Variants in OTOGL observed in about 807,000 individuals in gnomAD.
OTOGL encodes the protein otogelin like.
In OTOGL, 285 loss-of-function variants were observed where a neutral mutation model predicts 318.5. The observed-to-expected ratio is 0.89, with a 90% CI of 0.81 to 0.99. The LOEUF (loss-of-function observed/expected upper bound fraction) is 0.99. Ranked by LOEUF, OTOGL falls within the 50% of genes least tolerant of loss-of-function variation. The pLI is 0.00. For missense variants in OTOGL, 2,899 were observed against 2,845.6 expected, an observed-to-expected ratio of 1.02 and a Z score of -0.43; for synonymous variants, 987 against 936.5, an observed-to-expected ratio of 1.05 and a Z score of -0.99.
intron 55 of OTOGL, 72 bp downstream of exon 55, chr12:80,368,381 T>C: frequency 1.0e-6 from 1 of 987,906 alleles, no homozygotes; most frequent in Non-Finnish European, 1.5e-6. Context: ...GTTTGGAAAA[T>C]GTCCCCCCCC....
intron 1 of OTOGL, among the ~76,000 whole-genome samples, chr12:80,137,849 G>A (rs544624576): frequency 3.0e-4 from 45 of 152,188 alleles, no homozygotes; most frequent in African/African-American, 1.0e-3. Context: ...AATCAGGGAC[G>A]CAAATGAGAC....
intron 43 of OTOGL, among the ~76,000 whole-genome samples, chr12:80,341,090 A>G (rs1481036971): frequency 2.0e-5 from 3 of 152,084 alleles, no homozygotes; most frequent in African/African-American, 7.2e-5. Flanking sequence ...TATAGCCCAG[A>G]GTCTTGGGAA....
chr12:80,378,007 A>G lies in OTOGL; in HGVS notation c.7021A>G (p.Thr2341Ala). ...AGGAAATGGCACTGAAATTATGTAC[A>G]CTCTCCAGGAACCCATAGACTGTAC... ...CSGNGTEIMYTLQEPIDCTCQ... is the reference protein window; with the variant it reads ...CSGNGTEIMYALQEPIDCTCQ... The change falls in exon 59 of 59, where the codon ACT (threonine) becomes GCT (alanine). Residue 2341 changes from threonine (T) to alanine (A), a missense_variant. Around this residue, in one of 3 missense-constraint regions of OTOGL, gnomAD observed 289 missense variants for 304.6 expected, o/e 0.95. Coordinates refer to ENST00000547103, the MANE Select transcript of OTOGL (RefSeq NM_001378609.3). 2 of 1,593,032 alleles carry G rather than the reference A, an allele frequency of 1.3e-6. No individual in the cohort carries two copies. The highest frequency in any genetic ancestry group is 3.3e-4 in the Middle Eastern group (2 of 6,038).
At chr12:80,225,783 C>A (rs1030130443) in intron 7 of OTOGL, among the ~76,000 whole-genome samples, 1 of 151,864 alleles carries the variant, frequency 6.6e-6, no homozygotes, top group Non-Finnish European at 1.5e-5. Context: ...TTAATGATGT[C>A]CTATATTGGA....
intron 26 of OTOGL, among the ~76,000 whole-genome samples, chr12:80,289,236 G>A (rs1035058245): frequency 1.3e-5 from 2 of 152,194 alleles, no homozygotes; most frequent in African/African-American, 4.8e-5. Flanking sequence ...CTGCAGAACA[G>A]CAAAGATTGC....
At chr12:80,340,473 A>T (rs140836759) in intron 43 of OTOGL, among the ~76,000 whole-genome samples, 1 of 152,146 alleles carries the variant, frequency 6.6e-6, no homozygotes, top group African/African-American at 2.4e-5. Flanking sequence ...CCTATAACTT[A>T]TCACTTTTGA....
chr12:80,333,203 A>T, intron 38 of OTOGL, 125 bp downstream of exon 38: 1 of 738,564 alleles, frequency 1.4e-6, no homozygotes, highest in Non-Finnish European at 2.2e-6. Context: ...CCTTGCTAAA[A>T]GATATTAAGA....
At chr12:80,253,364 C>A in intron 13 of OTOGL, 102 bp from the exon 14 acceptor site, 1 of 1,003,340 alleles carries the variant, frequency 1.0e-6, no homozygotes, top group Non-Finnish European at 1.5e-6. Context: ...TTTCCAGCAT[C>A]ATGCGTAGGT....
Position 80,257,986 on chromosome 12 carries a change from A to G in OTOGL, c.1873A>G (p.Ile625Val). Residue 625 changes from isoleucine (I) to valine (V), a missense_variant, in exon 18 of 59, where the codon ATA becomes GTA. Around this residue, in one of 3 missense-constraint regions of OTOGL, gnomAD observed 2,607 missense variants for 2,524.9 expected, o/e 1.03. Transcript: ENST00000547103. ...TCTGTGTGGCACTTTTAATGGCAAC[A>G]TAAGGGATGATTTTCTGTAAGTATG... ...LGLCGTFNGN[I>V]RDDFLSPSGM... 1.3e-6 allele frequency: 2 copies of G among 1,583,430 alleles called. No homozygotes were observed. Among genetic ancestry groups the G allele is most frequent in the African/African-American group, 1.4e-5 (1 of 74,006 alleles).
At chr12:80,345,215 A>T (rs1429457156) in intron 44 of OTOGL, among the ~76,000 whole-genome samples, 24 of 138,726 alleles carry the variant, frequency 1.7e-4, no homozygotes, top group African/African-American at 6.1e-4. Flanking sequence ...TTATGTATAA[A>T]ATATATATAT....
At chr12:80,271,884 A>G in intron 24 of OTOGL, 74 bp downstream of exon 24, 3 of 1,481,114 alleles carry the variant, frequency 2.0e-6, no homozygotes, top group South Asian at 2.6e-5. Context: ...AACATTCTTT[A>G]TAGAAATAGC....
intron 24 of OTOGL, among the ~76,000 whole-genome samples, chr12:80,277,233 T>C (rs1565948861): frequency 6.8e-6 from 1 of 146,812 alleles, no homozygotes; most frequent in African/African-American, 2.5e-5. Flanking sequence ...ATATTTATTA[T>C]ATTTATAATT....
At chr12:80,116,321 G>A (rs1870162230) in intron 1 of OTOGL, among the ~76,000 whole-genome samples, 1 of 151,904 alleles carries the variant, frequency 6.6e-6, no homozygotes. Context: ...CCGACCCCTT[G>A]TACTTCCCAG....
At chr12:80,258,962 A>C (rs1275903231) in intron 18 of OTOGL, among the ~76,000 whole-genome samples, 1 of 152,082 alleles carries the variant, frequency 6.6e-6, no homozygotes, top group Non-Finnish European at 1.5e-5. Context: ...TAGATATTAA[A>C]AGTTCTCACA....
At chr12:80,342,224 T>C (rs1565998758) in intron 44 of OTOGL, 62 bp downstream of exon 44, 3 of 1,259,810 alleles carry the variant, frequency 2.4e-6, no homozygotes, top group Non-Finnish European at 3.3e-6. Flanking sequence ...TAAAAGCCAA[T>C]ACGTTACTGT....
intron 7 of OTOGL, among the ~76,000 whole-genome samples, chr12:80,225,922 T>C (rs1878798373): frequency 6.6e-6 from 1 of 152,064 alleles, no homozygotes. Context: ...GAAAATAATA[T>C]ATGTGTATGG....
At chr12:80,358,942 A>C (rs551406444) in intron 52 of OTOGL, 42 bp downstream of exon 52, 1 of 1,382,110 alleles carries the variant, frequency 7.2e-7, no homozygotes, top group East Asian at 2.5e-5. Context: ...ATTTATTTAA[A>C]TCTGTTTATT....
At chr12:80,133,197 C>T (rs553128541) in intron 1 of OTOGL, among the ~76,000 whole-genome samples, 1 of 151,936 alleles carries the variant, frequency 6.6e-6, no homozygotes, top group African/African-American at 2.4e-5. Context: ...AAAAAGAGGG[C>T]TCATTACCTT....
chr12:80,314,533 T>C (rs1886852322), intron 32 of OTOGL, among the ~76,000 whole-genome samples: 1 of 152,080 alleles, frequency 6.6e-6, no homozygotes, highest in Non-Finnish European at 1.5e-5. Flanking sequence ...ACTAAAATAG[T>C]GTGTAACTTA....
Sources: gnomAD v4.1 joint callset for allele counts (sites outside exome capture counted in the v4.1 genomes callset) on GRCh38, gnomAD v4.1.1 for gene constraint, gnomAD v4.1.1 regional missense constraint, MANE v1.5 for transcripts, NCBI Gene and HGNC (gene_info 2026-07-23, HGNC 2026-07-21) for gene names.